Variants in FNTB observed in about 807,000 individuals in gnomAD.
FNTB encodes farnesyltransferase, CAAX box, subunit beta, also known as protein farnesyltransferase subunit beta.
FNTB carries 27 observed loss-of-function variants against 59.4 expected under a neutral mutation model. That is an observed-to-expected ratio of 0.45 (90% CI 0.34 to 0.63). The LOEUF (loss-of-function observed/expected upper bound fraction) is 0.63. Ranked by LOEUF, FNTB falls within the 20% of genes least tolerant of loss-of-function variation. The pLI, the probability that FNTB is intolerant of heterozygous loss-of-function variation, is 0.02. For synonymous variants in FNTB, 230 were observed against 220.7 expected, an observed-to-expected ratio of 1.04 and a Z score of -0.37; for missense variants, 449 against 559.6, an observed-to-expected ratio of 0.80 and a Z score of 1.99.
rs994216828 is a variant in FNTB at position 65,023,719 on chromosome 14, C to T, written c.375-3734C>T. On this transcript the variant is annotated intron_variant, in intron 4 of 11. Transcript: ENST00000246166. The surrounding 1 kb of genome is among the most constrained non-coding windows in gnomAD (Gnocchi z 4.1). ...ATTGCCTCATGTGGCTAGTGGCTGC[C>T]TATTGGACAGCACAGATGTATCTCA... is the stretch of plus-strand genomic sequence containing the variant. 4.6e-5 allele frequency among the ~76,000 whole-genome samples: 7 copies of T among 152,094 alleles called. No homozygotes were observed. Among genetic ancestry groups the T allele is most frequent in the African/African-American group, 1.7e-4 (7 of 41,404 alleles).
intron 7 of FNTB, among the ~76,000 whole-genome samples, chr14:65,040,545 ATCT>A (rs2062326659): frequency 6.7e-6 from 1 of 148,740 alleles, no homozygotes; most frequent in Non-Finnish European, 1.5e-5. Context: ...GCCTCAAGTG[ATCT>A]TCTTGCCTTA....
intron 2 of FNTB, among the ~76,000 whole-genome samples, chr14:65,005,448 C>CT (rs1245761441): frequency 7.1e-6 from 1 of 141,604 alleles, no homozygotes; most frequent in Non-Finnish European, 1.6e-5. Context: ...CTCTTCCTTT[C>CT]TTTTCTTTCT....
intron 3 of FNTB, among the ~76,000 whole-genome samples, chr14:65,013,188 A>C (rs897233409): frequency 4.6e-5 from 7 of 152,234 alleles, no homozygotes; most frequent in African/African-American, 1.7e-4. Flanking sequence ...TGTAGGGCCC[A>C]GGCAGGCAGC....
intron 4 of FNTB, among the ~76,000 whole-genome samples, chr14:65,026,618 C>G (rs1196903199): frequency 1.3e-5 from 2 of 152,238 alleles, no homozygotes; most frequent in African/African-American, 2.4e-5. Flanking sequence ...CCAGCACTTG[C>G]AGAGGCTGCG....
intron 11 of FNTB, 132 bp from the exon 12 acceptor site, chr14:65,061,049 A>AGC: frequency 7.0e-7 from 1 of 1,435,244 alleles, no homozygotes; most frequent in South Asian, 1.4e-5. Context: ...CCATTTTTGA[A>AGC]CCTTTGGGCT....
Position 65,044,423 on chromosome 14 carries a change from A to G in FNTB, c.935A>G (p.His312Arg), listed in dbSNP as rs2062429057. The G allele has an allele frequency of 6.2e-7, 1 of 1,611,698 alleles. No individual in the cohort carries two copies. The highest frequency in any genetic ancestry group is 1.1e-5 in the South Asian group (1 of 90,538). Residue 312 changes from histidine to arginine, a missense_variant, in exon 9 of 12, where the codon CAC becomes CGC. This residue lies in a region of FNTB where 337 missense variants were observed against 479.1 expected (regional missense o/e 0.70). Transcript: ENST00000246166. The surrounding 1 kb of genome is among the most constrained non-coding windows in gnomAD (Gnocchi z 5.5). The stretch of plus-strand genomic sequence containing the variant: ...CAGGCGGGGCTCCTGCCCCTGCTCC[A>G]CCGCGCACTGCACGCCCAAGGTGAG... ...FWQAGLLPLL[H>R]RALHAQGDPA...
chr14:65,012,225 AGT>A lies in FNTB; in HGVS notation c.210-89_210-88del, dbSNP rs1363913668. 1 of 1,513,180 alleles carries A rather than the reference AGT, an allele frequency of 6.6e-7. No individual in the cohort carries two copies. Among genetic ancestry groups the A allele is most frequent in the African/African-American group, 1.4e-5 (1 of 72,742 alleles). The allele number at this position is 1,513,180 out of a possible 1,614,324, so 93.7% of individuals were successfully genotyped here. A position where few individuals can be genotyped will look rare whatever the true frequency, so the allele number is the denominator to read the frequency against. On this transcript the variant is annotated intron_variant, in intron 2 of 11. Coordinates refer to ENST00000246166, the MANE Select transcript of FNTB (RefSeq NM_002028.4). The surrounding 1 kb of genome is among the most constrained non-coding windows in gnomAD (Gnocchi z 5.0). The stretch of plus-strand genomic sequence containing the variant: ...ATTGCAGGGGGACGTCCTGAAGCTG[AGT>A]GTTTACCCGTGTGTGTGTACGTGCA...
At chr14:65,026,672 C>A (rs1397760156) in intron 4 of FNTB, among the ~76,000 whole-genome samples, 2 of 151,998 alleles carry the variant, frequency 1.3e-5, no homozygotes, top group Non-Finnish European at 2.9e-5. Context: ...ACCAGCCTGG[C>A]CAGCATGGTG....
At chr14:65,035,534 C>G (rs546406405) in intron 7 of FNTB, among the ~76,000 whole-genome samples, 2 of 150,084 alleles carry the variant, frequency 1.3e-5, no homozygotes, top group African/African-American at 5.0e-5. Flanking sequence ...TTTCAATTCT[C>G]TCTTTCTTTT....
intron 11 of FNTB, among the ~76,000 whole-genome samples, chr14:65,060,941 T>G (rs1396582063): frequency 6.6e-6 from 1 of 151,682 alleles, no homozygotes; most frequent in Non-Finnish European, 1.5e-5. Context: ...CATAATATGT[T>G]GTAAGTATTT....
chr14:65,020,733 CTT>C (rs71123901), intron 4 of FNTB, among the ~76,000 whole-genome samples: 7 of 123,320 alleles, frequency 5.7e-5, no homozygotes, highest in Admixed American at 8.8e-5. Context: ...CGCGCCCGGC[CTT>C]TTTTTTTTTT....
At chr14:65,019,379 C>T (rs1221599144) in intron 4 of FNTB, among the ~76,000 whole-genome samples, 1 of 151,492 alleles carries the variant, frequency 6.6e-6, no homozygotes, top group South Asian at 2.1e-4. Context: ...CCCAGCTACT[C>T]GGGAGACTGA....
chr14:64,992,049 T>C lies in FNTB; in HGVS notation c.144+4952T>C, dbSNP rs373901812. 6.6e-5 allele frequency among the ~76,000 whole-genome samples: 10 copies of C among 152,290 alleles called. No homozygotes were observed. The East Asian group carries it at 9.7e-4, about 15-fold the overall frequency. ...CAGCTTATAGGATCCAAAATATTAGTAAATGGAGGTGGAACAAATCACTAA... is the reference window on the plus strand; with the variant it reads ...CAGCTTATAGGATCCAAAATATTAGCAAATGGAGGTGGAACAAATCACTAA... On this transcript the variant is annotated intron_variant, in intron 1 of 11. Transcript: ENST00000246166.
chr14:65,026,420 G>A lies in FNTB; in HGVS notation c.375-1033G>A, dbSNP rs574037535. Among the ~76,000 whole-genome samples the A allele has an allele frequency of 7.9e-5, 12 of 152,286 alleles. No homozygotes were observed. In the East Asian group the frequency reaches 2.1e-3, roughly 27 times the overall value. On this transcript the variant is annotated intron_variant, in intron 4 of 11. Transcript: ENST00000246166. The stretch of plus-strand genomic sequence containing the variant: ...AATGGGAGCCTGTTTGAATTAACGT[G>A]GAGAATTCTCCAAGAACCCGCAGAC...
rs1224984665 is a variant in FNTB, at chr14:65,029,013, CT to C, written c.605+1241del. Among the ~76,000 whole-genome samples, 3 of 151,566 alleles carry C rather than the reference CT, an allele frequency of 2.0e-5. No individual in the cohort carries two copies. The highest frequency in any genetic ancestry group is 4.8e-5 in the African/African-American group (2 of 41,256). On this transcript the variant is annotated intron_variant, in intron 6 of 11. Coordinates refer to ENST00000246166, the MANE Select transcript of FNTB (RefSeq NM_002028.4). The surrounding 1 kb of genome is among the most constrained non-coding windows in gnomAD (Gnocchi z 4.7). ...ATTTGCTATCTTATTCATTCCAGCA[CT>C]TTTTTTTTCCCTATGCTCTTTATTT...
chr14:65,003,484 C>T (rs2061541509), intron 1 of FNTB: 1 of 151,988 alleles, frequency 6.6e-6, no homozygotes, highest in Non-Finnish European at 1.5e-5. Flanking sequence ...AACAAACCAA[C>T]AGGGTAACAA....
At chr14:65,053,618 C>CT (rs1272608271) in intron 10 of FNTB, among the ~76,000 whole-genome samples, 15 of 140,520 alleles carry the variant, frequency 1.1e-4, no homozygotes, top group Admixed American at 7.6e-4. Context: ...GATAACTCTT[C>CT]TTTTTTTTAA....
At chr14:64,993,454 G>A (rs117041078) in intron 1 of FNTB, among the ~76,000 whole-genome samples, 585 of 152,254 alleles carry the variant, frequency 3.8e-3, no homozygotes, top group Non-Finnish European at 5.4e-3. Flanking sequence ...TCCCCAGCTG[G>A]TACTTTGTAT....
intron 4 of FNTB, among the ~76,000 whole-genome samples, chr14:65,019,203 C>T (rs2061841348): frequency 6.6e-6 from 1 of 150,870 alleles, no homozygotes; most frequent in South Asian, 2.1e-4. Flanking sequence ...GAAGAACTTT[C>T]TGGCTGGATG....
Sources: allele counts gnomAD v4.1 joint callset (sites outside exome capture counted in the v4.1 genomes callset), GRCh38; gene constraint gnomAD v4.1.1; regional missense constraint gnomAD v4.1.1; non-coding constraint Gnocchi (gnomAD v3.1); transcripts MANE v1.5; gene names NCBI Gene and HGNC (gene_info 2026-07-23, HGNC 2026-07-21).